PLEKHG1: variants seen among roughly 807,000 people sequenced by gnomAD.
PLEKHG1 encodes the protein pleckstrin homology and RhoGEF domain containing G1, also known as pleckstrin homology domain-containing family G member 1.
A neutral mutation model predicts 100.8 loss-of-function variants in PLEKHG1; 44 were observed. That is an observed-to-expected ratio of 0.44 (90% CI 0.34 to 0.56). PLEKHG1 has a LOEUF of 0.56. Ranked by LOEUF, PLEKHG1 falls within the 20% of genes least tolerant of loss-of-function variation. The probability of loss-of-function intolerance (pLI) is 0.01; values close to 1 mark genes in which losing one functional copy is unlikely to be tolerated. For synonymous variants in PLEKHG1, 640 were observed against 662.5 expected, an observed-to-expected ratio of 0.97 and a Z score of 0.52; for missense variants, 1,545 against 1,720.9, an observed-to-expected ratio of 0.90 and a Z score of 1.81.
rs538179659 is a variant in PLEKHG1, at chr6:150,649,215, C to T, written c.-157-1513C>T. On this transcript the variant is annotated intron_variant, in intron 2 of 3. Transcript: ENST00000367326. Reference sequence around the variant, plus strand: ...AATAAAATTAGCTAATTTTCATTATCCCCACTCATTTCCCCATTTTTGATC... The same window carrying T: ...AATAAAATTAGCTAATTTTCATTATTCCCACTCATTTCCCCATTTTTGATC... Among the ~76,000 whole-genome samples, 426 of 152,250 alleles carry T rather than the reference C, an allele frequency of 2.8e-3. 1 individual carries two copies. The highest frequency in any genetic ancestry group is 6.8e-3 in the Middle Eastern group (2 of 294).
intron 3 of PLEKHG1, among the ~76,000 whole-genome samples, chr6:150,688,378 T>C (rs1267240436): frequency 6.6e-6 from 1 of 152,118 alleles, no homozygotes; most frequent in Non-Finnish European, 1.5e-5. Flanking sequence ...TGGAGTGTAG[T>C]GGCGTGATCT....
At chr6:150,811,698 G>A (rs1787543480) in intron 10 of PLEKHG1, among the ~76,000 whole-genome samples, 1 of 152,136 alleles carries the variant, frequency 6.6e-6, no homozygotes, top group Non-Finnish European at 1.5e-5. Context: ...GTGCCAGGAT[G>A]GGAGGGCTGA....
At chr6:150,622,259 T>C (rs1400319035) in intron 1 of PLEKHG1, among the ~76,000 whole-genome samples, 1 of 152,216 alleles carries the variant, frequency 6.6e-6, no homozygotes, top group African/African-American at 2.4e-5. Flanking sequence ...AGGGGTAATT[T>C]TGGCCCAAAG....
chr6:150,729,986 T>A (rs1782160402), intron 1 of PLEKHG1, among the ~76,000 whole-genome samples: 1 of 152,230 alleles, frequency 6.6e-6, no homozygotes, highest in Non-Finnish European at 1.5e-5. Flanking sequence ...TTTTTATTCC[T>A]CTTTAATCCT....
chr6:150,643,142 A>C lies in PLEKHG1; in HGVS notation c.-158+5017A>C, dbSNP rs138543117. Among the ~76,000 whole-genome samples the C allele has an allele frequency of 7.1e-3, 1,087 of 152,314 alleles. 14 individuals carry two copies. The highest frequency in any genetic ancestry group is 0.025 in the African/African-American group (1,027 of 41,568). ...CACCTACTGGAATGCCTCATCTCTAATTAAGTATTAGAATTAATTATCCTT... is the reference window on the plus strand; with the variant it reads ...CACCTACTGGAATGCCTCATCTCTACTTAAGTATTAGAATTAATTATCCTT... On this transcript the variant is annotated intron_variant, in intron 2 of 3. Transcript: ENST00000367326.
In PLEKHG1 at chr6:150,655,330, C is replaced by T. The variant is rs147795951; in HGVS notation, c.-99+4544C>T. 1.5e-4 allele frequency among the ~76,000 whole-genome samples: 23 copies of T among 152,274 alleles called. No individual in the cohort carries two copies. In the East Asian group the frequency reaches 4.4e-3, roughly 29 times the overall value. ...TCATTCTACTCTAAAAACACATGCA[C>T]ACGTATATTTATTGCGGCACTGCTC... On this transcript the variant is annotated intron_variant, in intron 3 of 3. Transcript: ENST00000367326.
chr6:150,675,795 T>A (rs1320557370), intron 3 of PLEKHG1, among the ~76,000 whole-genome samples: 1 of 152,226 alleles, frequency 6.6e-6, no homozygotes, highest in East Asian at 1.9e-4. Flanking sequence ...CTGATAAAAC[T>A]TACTTTTCTT....
At chr6:150,738,947 T>C (rs1324008659) in intron 2 of PLEKHG1, among the ~76,000 whole-genome samples, 1 of 152,154 alleles carries the variant, frequency 6.6e-6, no homozygotes, top group Non-Finnish European at 1.5e-5. Flanking sequence ...TAGAAATCCA[T>C]AGTTGGAAAG....
chr6:150,625,207 A>G (rs1480822336), intron 1 of PLEKHG1, among the ~76,000 whole-genome samples: 2 of 152,206 alleles, frequency 1.3e-5, no homozygotes, highest in East Asian at 3.9e-4. Context: ...TTTATTTGCT[A>G]GGTCTACCAT....
chr6:150,801,539 G>A (rs940351849), intron 6 of PLEKHG1, among the ~76,000 whole-genome samples: 12 of 149,634 alleles, frequency 8.0e-5, no homozygotes, highest in Non-Finnish European at 1.8e-4. Context: ...CTGGGCTCAA[G>A]CAATCCTCCT....
intron 3 of PLEKHG1, among the ~76,000 whole-genome samples, chr6:150,779,348 T>TTTTTTTTTG (rs1562511401): frequency 5.5e-5 from 4 of 73,142 alleles, no homozygotes; most frequent in Non-Finnish European, 2.3e-5. Flanking sequence ...CAAGAAGTTT[T>TTTTTTTTTG]TTTTTTTTTT....
intron 2 of PLEKHG1, among the ~76,000 whole-genome samples, chr6:150,754,898 G>A (rs573074728): frequency 6.8e-4 from 104 of 152,172 alleles, no homozygotes; most frequent in Admixed American, 1.1e-3. Context: ...TCAAACTCCC[G>A]ACCTCAGGTG....
intron 7 of PLEKHG1, among the ~76,000 whole-genome samples, chr6:150,806,998 G>A (rs6922806): frequency 0.2 from 29,651 of 151,926 alleles, 2,989 homozygotes; most frequent in East Asian, 0.36. Context: ...ACTGCCTACG[G>A]CCACTCACCT....
At chr6:150,676,132 T>TG (rs1471368042) in intron 3 of PLEKHG1, among the ~76,000 whole-genome samples, 1 of 152,250 alleles carries the variant, frequency 6.6e-6, no homozygotes, top group Non-Finnish European at 1.5e-5. Flanking sequence ...GATGCACATA[T>TG]TTATTGATAT....
At chr6:150,833,173 G>T (rs1273254461) in intron 15 of PLEKHG1, among the ~76,000 whole-genome samples, 1 of 151,640 alleles carries the variant, frequency 6.6e-6, no homozygotes, top group African/African-American at 2.4e-5. Context: ...CTCTCTAGTA[G>T]CTGGGACTAC....
At chr6:150,730,901 C>T (rs76214981) in intron 1 of PLEKHG1, among the ~76,000 whole-genome samples, 7 of 138,366 alleles carry the variant, frequency 5.1e-5, no homozygotes, top group African/African-American at 1.6e-4. Flanking sequence ...AACTCTGTCT[C>T]AAAAAAAAAA....
intron 4 of PLEKHG1, among the ~76,000 whole-genome samples, chr6:150,793,220 A>G (rs548692231): frequency 5.3e-4 from 81 of 152,218 alleles, no homozygotes; most frequent in African/African-American, 1.9e-3. Context: ...ACTGGGCAAT[A>G]TAGCAAGACC....
intron 1 of PLEKHG1, among the ~76,000 whole-genome samples, chr6:150,613,002 T>C (rs1446637892): frequency 6.6e-6 from 1 of 152,178 alleles, no homozygotes; most frequent in South Asian, 2.1e-4. Flanking sequence ...AGCAAGTCCA[T>C]GGGGTAGCCT....
chr6:150,691,612 C>T (rs1483021188), intron 3 of PLEKHG1, among the ~76,000 whole-genome samples: 2 of 152,136 alleles, frequency 1.3e-5, no homozygotes, highest in African/African-American at 4.8e-5. Context: ...TTAATGACAG[C>T]CTATAATCAT....
Sources: allele counts gnomAD v4.1 joint callset (sites outside exome capture counted in the v4.1 genomes callset), GRCh38; gene constraint gnomAD v4.1.1; transcripts MANE v1.5; gene names NCBI Gene and HGNC (gene_info 2026-07-23, HGNC 2026-07-21).